The following PCDHA5 variants were observed in gnomAD, a reference collection of about 807,000 sequenced individuals.
PCDHA5 encodes protocadherin alpha 5.
A neutral mutation model predicts 61.6 loss-of-function variants in PCDHA5; 43 were observed. That is an observed-to-expected ratio of 0.70 (90% confidence interval 0.55 to 0.90). PCDHA5 has a LOEUF of 0.90. Among genes scored for constraint, PCDHA5 ranks in the 40% least tolerant of loss-of-function variants. The pLI is 0.00. For missense variants in PCDHA5, 1,298 were observed against 1,222.7 expected, an observed-to-expected ratio of 1.06 and a Z score of -0.92; for synonymous variants, 627 against 543.9, an observed-to-expected ratio of 1.15 and a Z score of -2.13.
At chr5:140,861,618 C>T (rs1035938345) in intron 1 of PCDHA5, 1 of 340,802 alleles carries the variant, frequency 2.9e-6, no homozygotes, top group Non-Finnish European at 6.0e-6. Flanking sequence ...AGACAACCTG[C>T]CAGTGTTCTC....
chr5:140,982,153 C>T (rs990862287), intron 2 of PCDHA5, among the ~76,000 whole-genome samples: 1 of 152,162 alleles, frequency 6.6e-6, no homozygotes, highest in Non-Finnish European at 1.5e-5. Flanking sequence ...GCTTCAGTAT[C>T]GAGATGTTAA....
chr5:140,829,588 G>A lies in PCDHA5; in HGVS notation c.2352+5461G>A, dbSNP rs2150170714. ...CCTACTCGCTGGTGGAGCGGCGGGT[G>A]GGCGAGCGCGCGTTGTCGAGCTACA... On this transcript the variant is annotated intron_variant, in intron 1 of 3. Transcript: ENST00000529859. 36 of 1,611,952 alleles carry A rather than the reference G, an allele frequency of 2.2e-5. No individual in the cohort carries two copies. The African/African-American group carries it at 4.3e-4, about 19-fold the overall frequency.
At chr5:140,967,697 G>A (rs1554229803) in intron 1 of PCDHA5, 1 of 1,614,196 alleles carries the variant, frequency 6.2e-7, no homozygotes, top group Admixed American at 1.7e-5. Flanking sequence ...CTTCAGCATA[G>A]ATGCCAGTAC....
At chr5:140,977,307 G>C (rs1023836424) in intron 1 of PCDHA5, among the ~76,000 whole-genome samples, 1 of 152,186 alleles carries the variant, frequency 6.6e-6, no homozygotes, top group Admixed American at 6.5e-5. Flanking sequence ...ACAAGCTAAC[G>C]ATAGTGCTCC....
chr5:140,995,324 G>A (rs1290299693), intron 3 of PCDHA5, among the ~76,000 whole-genome samples: 1 of 152,190 alleles, frequency 6.6e-6, no homozygotes, highest in African/African-American at 2.4e-5. Context: ...GAACTAACAG[G>A]TGAGTAGTGT....
At chr5:140,928,178 G>C (rs2085023372) in intron 1 of PCDHA5, 1 of 1,614,074 alleles carries the variant, frequency 6.2e-7, no homozygotes, top group African/African-American at 1.3e-5. Flanking sequence ...AGCACCCGAA[G>C]GACAATCACT....
At chr5:140,832,572 C>G (rs987114352) in intron 1 of PCDHA5, among the ~76,000 whole-genome samples, 2 of 152,172 alleles carry the variant, frequency 1.3e-5, no homozygotes, top group South Asian at 2.1e-4. Flanking sequence ...AAACAGCATA[C>G]TTTCTTAGGA....
intron 3 of PCDHA5, among the ~76,000 whole-genome samples, chr5:140,995,481 T>C (rs190039428): frequency 5.9e-5 from 9 of 152,308 alleles, no homozygotes; most frequent in Admixed American, 5.9e-4. Context: ...CATTTAATAT[T>C]TTCAGACTAA....
chr5:140,872,007 G>A (rs974078446), intron 1 of PCDHA5, among the ~76,000 whole-genome samples: 7 of 152,176 alleles, frequency 4.6e-5, no homozygotes, highest in African/African-American at 1.4e-4. Flanking sequence ...ATTTACAGGT[G>A]ACCTGTAGCC....
intron 1 of PCDHA5, among the ~76,000 whole-genome samples, chr5:140,881,116 TG>T (rs1181000408): frequency 3.3e-5 from 5 of 152,242 alleles, no homozygotes; most frequent in African/African-American, 7.2e-5. Flanking sequence ...CCTGGGATTT[TG>T]TGGCTTGGTA....
chr5:140,959,772 C>T (rs1554224331), intron 1 of PCDHA5, among the ~76,000 whole-genome samples: 1 of 152,120 alleles, frequency 6.6e-6, no homozygotes, highest in East Asian at 1.9e-4. Flanking sequence ...TCAGTAAGAA[C>T]AGTGTATATT....
At chr5:140,984,471 A>G (rs2153834399) in intron 3 of PCDHA5, among the ~76,000 whole-genome samples, 1 of 152,300 alleles carries the variant, frequency 6.6e-6, no homozygotes, top group Middle Eastern at 3.4e-3. Context: ...CCCCTCTTGT[A>G]TAACCCATTT....
intron 1 of PCDHA5, chr5:140,968,321 A>G: frequency 6.2e-7 from 1 of 1,613,834 alleles, no homozygotes; most frequent in Non-Finnish European, 8.5e-7. Flanking sequence ...GCTGCCAGTC[A>G]CCTCCTATGT....
intron 1 of PCDHA5, chr5:140,967,190 AACG>A (rs781897780): frequency 6.2e-7 from 1 of 1,613,418 alleles, no homozygotes; most frequent in Non-Finnish European, 8.5e-7. Context: ...ATTGGACATC[AACG>A]ACAACTCACC....
At chr5:140,912,237 A>T (rs2075827332) in intron 1 of PCDHA5, among the ~76,000 whole-genome samples, 2 of 152,122 alleles carry the variant, frequency 1.3e-5, no homozygotes, top group South Asian at 4.2e-4. Flanking sequence ...CACTGACTCA[A>T]ATGTTAATCT....
At chr5:140,976,832 A>G (rs246001) in intron 1 of PCDHA5, among the ~76,000 whole-genome samples, 14,161 of 152,268 alleles carry the variant, frequency 0.093, 806 homozygotes, top group Middle Eastern at 0.22. Context: ...AATGAGCAAA[A>G]CAGATATAAT....
At chr5:140,962,759 G>A (rs1554226222) in intron 1 of PCDHA5, among the ~76,000 whole-genome samples, 1 of 152,114 alleles carries the variant, frequency 6.6e-6, no homozygotes, top group Admixed American at 6.5e-5. Flanking sequence ...AATCCTATTC[G>A]TTTTTAACAA....
intron 1 of PCDHA5, chr5:140,862,540 G>A: frequency 4.5e-6 from 2 of 444,274 alleles, no homozygotes; most frequent in South Asian, 3.5e-5. Flanking sequence ...TCGGGTCCGT[G>A]GAAGTGGCCG....
intron 1 of PCDHA5, chr5:140,860,876 T>C (rs1451611710): frequency 6.6e-6 from 1 of 152,390 alleles, no homozygotes; most frequent in Non-Finnish European, 1.5e-5. Flanking sequence ...TAGCTGGGAC[T>C]ACAGGTGCCC....
Sources: gnomAD v4.1 joint callset for allele counts (sites outside exome capture counted in the v4.1 genomes callset) on GRCh38, gnomAD v4.1.1 for gene constraint, MANE v1.5 for transcripts, NCBI Gene and HGNC (gene_info 2026-07-23, HGNC 2026-07-21) for gene names.